FOXP2: variants seen among roughly 807,000 people sequenced by gnomAD.
The protein encoded by FOXP2 is forkhead box P2.
A neutral mutation model predicts 115.8 loss-of-function variants in FOXP2; 12 were observed. The ratio of observed to expected loss-of-function variants is 0.10; its 90% CI spans 0.07 to 0.17. FOXP2 has a LOEUF of 0.17. FOXP2 is among the 10% of genes least tolerant of loss of function. The probability of loss-of-function intolerance (pLI) is 1.00; values close to 1 mark genes in which losing one functional copy is unlikely to be tolerated. For synonymous variants in FOXP2, 328 were observed against 297.7 expected, an observed-to-expected ratio of 1.10 and a Z score of -1.05; for missense variants, 629 against 843.5, an observed-to-expected ratio of 0.75 and a Z score of 3.15.
At chr7:114,632,036 G>A (rs1265868307) in intron 6 of FOXP2, among the ~76,000 whole-genome samples, 1 of 152,176 alleles carries the variant, frequency 6.6e-6, no homozygotes, top group East Asian at 1.9e-4. Flanking sequence ...TGGATTACCG[G>A]GAAGGCTGAC....
intron 3 of FOXP2, among the ~76,000 whole-genome samples, chr7:114,595,346 G>T (rs1257070341): frequency 6.6e-6 from 1 of 151,934 alleles, no homozygotes; most frequent in Non-Finnish European, 1.5e-5. Context: ...AGAAACAGAA[G>T]GGTATTAAAC....
intron 1 of FOXP2, among the ~76,000 whole-genome samples, chr7:114,177,047 A>G (rs1250961300): frequency 6.6e-6 from 1 of 152,156 alleles, no homozygotes; most frequent in East Asian, 1.9e-4. Flanking sequence ...CCTGAGTGCT[A>G]TCCATAATCA....
chr7:114,257,621 T>G (rs1795654855), intron 1 of FOXP2, among the ~76,000 whole-genome samples: 1 of 150,260 alleles, frequency 6.7e-6, no homozygotes, highest in South Asian at 2.1e-4. Context: ...GCCCGGCTAG[T>G]TTTTTGTATT....
At chr7:114,411,216 A>G (rs1186151476), upstream of FOXP2, among the ~76,000 whole-genome samples, 1 of 152,064 alleles carries the variant, frequency 6.6e-6, no homozygotes, top group Non-Finnish European at 1.5e-5. Context: ...TCGATTTTGG[A>G]TTACTGTAAT....
chr7:114,139,397 T>A (rs772481709), intron 1 of FOXP2, among the ~76,000 whole-genome samples: 2 of 152,138 alleles, frequency 1.3e-5, no homozygotes, highest in African/African-American at 4.8e-5. Flanking sequence ...CTATAGGGTA[T>A]AAAACATAAT....
At chr7:114,523,917 A>G (rs561888515) in intron 2 of FOXP2, among the ~76,000 whole-genome samples, 3 of 152,290 alleles carry the variant, frequency 2.0e-5, no homozygotes, top group Non-Finnish European at 4.4e-5. Context: ...TTTATGTTTA[A>G]GTGGGCAACT....
At chr7:114,460,319 G>A (rs144497947) in intron 2 of FOXP2, among the ~76,000 whole-genome samples, 5 of 152,150 alleles carry the variant, frequency 3.3e-5, no homozygotes, top group Non-Finnish European at 2.9e-5. Flanking sequence ...CAAGCCTTCA[G>A]TTAAAAACTT....
At chr7:114,651,681 A>G (rs2129337518) in intron 8 of FOXP2, among the ~76,000 whole-genome samples, 1 of 152,248 alleles carries the variant, frequency 6.6e-6, no homozygotes, top group South Asian at 2.1e-4. Context: ...GTTCTTTATT[A>G]CTAACAGCAA....
intron 3 of FOXP2, among the ~76,000 whole-genome samples, chr7:114,567,683 C>G (rs564768650): frequency 1.3e-5 from 2 of 152,078 alleles, no homozygotes; most frequent in East Asian, 3.9e-4. Context: ...AGGTTGCCTC[C>G]CGGAGATCCA....
At chr7:114,231,548 C>T (rs1018479371) in intron 1 of FOXP2, among the ~76,000 whole-genome samples, 5 of 151,934 alleles carry the variant, frequency 3.3e-5, no homozygotes, top group Admixed American at 3.3e-4. Context: ...AAATAGAAAC[C>T]CCAGAAATAA....
chr7:114,118,397 A>G (rs558587082), intron 1 of FOXP2, among the ~76,000 whole-genome samples: 1 of 152,190 alleles, frequency 6.6e-6, no homozygotes, highest in East Asian at 1.9e-4. Context: ...AAAGCTAAGA[A>G]TAGACAGGTA....
intron 1 of FOXP2, among the ~76,000 whole-genome samples, chr7:114,213,034 T>C (rs717233): frequency 0.25 from 37,713 of 152,162 alleles, 5,273 homozygotes; most frequent in African/African-American, 0.34. Context: ...TTATGGTCAG[T>C]ATTCCAGTGT....
chr7:114,341,935 A>G (rs953861297), intron 2 of FOXP2, among the ~76,000 whole-genome samples: 2 of 151,330 alleles, frequency 1.3e-5, no homozygotes, highest in African/African-American at 4.8e-5. Context: ...GCTAGATTGG[A>G]AGCTGATTAT....
intron 3 of FOXP2, among the ~76,000 whole-genome samples, chr7:114,614,898 A>AAT (rs1382155769): frequency 6.6e-6 from 1 of 152,120 alleles, no homozygotes; most frequent in African/African-American, 2.4e-5. Flanking sequence ...TTAACAGATA[A>AAT]ATATGCCCCC....
chr7:114,121,616 G>A (rs947512755), intron 1 of FOXP2, among the ~76,000 whole-genome samples: 26 of 152,014 alleles, frequency 1.7e-4, no homozygotes, highest in Admixed American at 1.6e-3. Flanking sequence ...ATGTCTGTAC[G>A]ACTGCATTCA....
chr7:114,518,080 T>C (rs1012696493), intron 2 of FOXP2, among the ~76,000 whole-genome samples: 5 of 152,196 alleles, frequency 3.3e-5, no homozygotes, highest in African/African-American at 1.2e-4. Context: ...TTTTGGTGAC[T>C]ATTATAAACA....
At chr7:114,303,826 G>A (rs575764195) in intron 2 of FOXP2, among the ~76,000 whole-genome samples, 3 of 152,060 alleles carry the variant, frequency 2.0e-5, no homozygotes, top group Non-Finnish European at 4.4e-5. Context: ...TTTAAACAAA[G>A]TATATAAAAG....
At chr7:114,299,412 T>C (rs1366019721) in intron 2 of FOXP2, among the ~76,000 whole-genome samples, 1 of 152,044 alleles carries the variant, frequency 6.6e-6, no homozygotes, top group East Asian at 1.9e-4. Context: ...TGATCCCATA[T>C]CTAGTTCCAA....
At chr7:114,294,327 A>G (rs766992455) in intron 2 of FOXP2, among the ~76,000 whole-genome samples, 9 of 152,124 alleles carry the variant, frequency 5.9e-5, no homozygotes, top group Non-Finnish European at 8.8e-5. Flanking sequence ...GGCTTGCAGT[A>G]TCTCTTCTAC....
Sources: gnomAD v4.1 joint callset for allele counts (sites outside exome capture counted in the v4.1 genomes callset) on GRCh38, gnomAD v4.1.1 for gene constraint, MANE v1.5 for transcripts, NCBI Gene and HGNC (gene_info 2026-07-23, HGNC 2026-07-21) for gene names.